ASTN2: variants seen among roughly 807,000 people sequenced by gnomAD.
The protein encoded by ASTN2 is astrotactin-2.
In ASTN2, 54 loss-of-function variants were observed where a neutral mutation model predicts 139.8. The observed-to-expected ratio is 0.39, with a 90% CI of 0.31 to 0.48. The LOEUF is 0.48. ASTN2 is among the 20% of genes least tolerant of loss of function. The probability of loss-of-function intolerance (pLI) is 0.95; values close to 1 mark genes in which losing one functional copy is unlikely to be tolerated. For missense variants in ASTN2, 1,565 were observed against 1,725.1 expected (o/e 0.91, Z 1.64); for synonymous variants, 756 against 719.5 (o/e 1.05, Z -0.81).
intron 1 of ASTN2, among the ~76,000 whole-genome samples, chr9:117,301,820 C>G (rs1328646147): frequency 1.3e-5 from 2 of 152,158 alleles, no homozygotes; most frequent in Admixed American, 1.3e-4. Flanking sequence ...TTTTTAAGAT[C>G]ACTTTGCTCC....
rs1033582896 is a variant in ASTN2, at chr9:116,440,620, C to T, written c.3771G>A (p.Glu1257=). 3 of 1,613,402 alleles carry T rather than the reference C, an allele frequency of 1.9e-6. No homozygotes were observed. The highest frequency in any genetic ancestry group is 2.7e-5 in the African/African-American group (2 of 75,040). The change falls in exon 22 of 23, where the codon GAG becomes GAA. Residue 1257 remains glutamate, a synonymous_variant. Coordinates refer to ENST00000313400, the MANE Select transcript of ASTN2 (RefSeq NM_001365068.1). ...AAATACGCCCATACCTGGGCCCCAG[C>T]TCATCCTCACTTCTCCAGACGAAGT... ...FGDFVWRSED[E]LGPRKAHLIL...
intron 10 of ASTN2, among the ~76,000 whole-genome samples, chr9:116,936,919 G>A (rs1425017082): frequency 1.3e-5 from 2 of 152,210 alleles, no homozygotes; most frequent in Non-Finnish European, 2.9e-5. Context: ...ATTGTTAGAT[G>A]TGAGAGCACA....
chr9:116,811,285 C>T (rs1265027067), intron 12 of ASTN2, among the ~76,000 whole-genome samples: 1 of 152,152 alleles, frequency 6.6e-6, no homozygotes, highest in Non-Finnish European at 1.5e-5. Flanking sequence ...TGTCTTGAAG[C>T]TTCTGACTGT....
chr9:117,373,511 G>A (rs928432135), intron 1 of ASTN2, among the ~76,000 whole-genome samples: 6 of 152,160 alleles, frequency 3.9e-5, no homozygotes, highest in African/African-American at 1.2e-4. Flanking sequence ...GCAGACCAGT[G>A]AAATATGCTC....
At chr9:117,100,660 A>G (rs1386214688) in intron 4 of ASTN2, among the ~76,000 whole-genome samples, 1 of 152,228 alleles carries the variant, frequency 6.6e-6, no homozygotes. Context: ...AATATTACTG[A>G]GCAAATTAAG....
intron 10 of ASTN2, among the ~76,000 whole-genome samples, chr9:116,868,375 C>T (rs1027915246): frequency 6.6e-6 from 1 of 152,136 alleles, no homozygotes; most frequent in Non-Finnish European, 1.5e-5. Flanking sequence ...TGCCTGACCT[C>T]AAGTCCTGAG....
chr9:117,013,700 C>A (rs1837597271), intron 6 of ASTN2, among the ~76,000 whole-genome samples: 1 of 151,968 alleles, frequency 6.6e-6, no homozygotes, highest in Non-Finnish European at 1.5e-5. Flanking sequence ...CAGGGGTGAG[C>A]TGGGGAGCTC....
intron 13 of ASTN2, among the ~76,000 whole-genome samples, chr9:116,804,843 T>G (rs1830988865): frequency 6.6e-6 from 1 of 151,320 alleles, no homozygotes; most frequent in African/African-American, 2.4e-5. Flanking sequence ...TGTGTGTACG[T>G]GTGTGTGTGT....
At chr9:117,294,103 G>C (rs777664584) in intron 1 of ASTN2, among the ~76,000 whole-genome samples, 30 of 152,228 alleles carry the variant, frequency 2.0e-4, no homozygotes, top group Non-Finnish European at 3.8e-4. Context: ...GTTCAGATGA[G>C]AAAGCAGAAG....
chr9:116,607,594 G>A (rs774753131), intron 19 of ASTN2, among the ~76,000 whole-genome samples: 6 of 150,722 alleles, frequency 4.0e-5, no homozygotes, highest in Non-Finnish European at 5.9e-5. Flanking sequence ...GAAGAATCTT[G>A]GATTTCTATT....
intron 11 of ASTN2, among the ~76,000 whole-genome samples, chr9:116,852,771 A>G (rs1037833389): frequency 1.3e-5 from 2 of 152,048 alleles, no homozygotes; most frequent in Non-Finnish European, 2.9e-5. Flanking sequence ...TCCTGGGTGG[A>G]AGAGAGTCCT....
intron 19 of ASTN2, among the ~76,000 whole-genome samples, chr9:116,578,364 C>T (rs58653571): frequency 2.0e-5 from 3 of 151,948 alleles, no homozygotes; most frequent in Non-Finnish European, 4.4e-5. Flanking sequence ...GAACTACTCA[C>T]GTCCTTTTTT....
chr9:116,960,641 C>T (rs894381218), intron 10 of ASTN2, among the ~76,000 whole-genome samples: 1 of 152,014 alleles, frequency 6.6e-6, no homozygotes, highest in African/African-American at 2.4e-5. Flanking sequence ...ATACCAATAG[C>T]ACCCTCCCAG....
At chr9:116,713,449 C>T (rs1434677930) in intron 16 of ASTN2, among the ~76,000 whole-genome samples, 2 of 152,166 alleles carry the variant, frequency 1.3e-5, no homozygotes, top group African/African-American at 2.4e-5. Flanking sequence ...AGAGCTGGCA[C>T]TCTGACTCAG....
At chr9:117,269,074 G>T (rs10983593) in intron 2 of ASTN2, among the ~76,000 whole-genome samples, 5,611 of 152,262 alleles carry the variant, frequency 0.037, 153 homozygotes, top group South Asian at 0.13. Context: ...ATAAATGTTT[G>T]TTTTTCTTCT....
At chr9:117,298,844 C>T (rs1182898926) in intron 1 of ASTN2, among the ~76,000 whole-genome samples, 3 of 151,572 alleles carry the variant, frequency 2.0e-5, no homozygotes, top group Non-Finnish European at 4.4e-5. Context: ...AGTGGCTGAA[C>T]TGAATAGGGG....
At chr9:116,718,322 C>G (rs1010840750) in intron 16 of ASTN2, among the ~76,000 whole-genome samples, 1 of 152,166 alleles carries the variant, frequency 6.6e-6, no homozygotes, top group Non-Finnish European at 1.5e-5. Flanking sequence ...CGGAGACACA[C>G]AGGGCTGAAG....
chr9:116,838,617 T>C (rs1402605847), intron 11 of ASTN2, among the ~76,000 whole-genome samples: 1 of 139,766 alleles, frequency 7.2e-6, no homozygotes, highest in Non-Finnish European at 1.5e-5. Context: ...TCAGTAGAGA[T>C]GGAGTTTCAC....
At chr9:117,201,932 A>C (rs1214444627) in intron 3 of ASTN2, among the ~76,000 whole-genome samples, 1 of 152,174 alleles carries the variant, frequency 6.6e-6, no homozygotes, top group Non-Finnish European at 1.5e-5. Context: ...TAATACTAAC[A>C]GTGGGGTGTT....
Sources: allele counts gnomAD v4.1 joint callset (sites outside exome capture counted in the v4.1 genomes callset), GRCh38; gene constraint gnomAD v4.1.1; transcripts MANE v1.5; gene names NCBI Gene and HGNC (gene_info 2026-07-23, HGNC 2026-07-21).